The following AAK1 variants were observed in gnomAD, a reference collection of about 807,000 sequenced individuals.
The protein encoded by AAK1 is AP2 associated kinase 1, also known as AP2-associated protein kinase 1.
In AAK1, 37 loss-of-function variants were observed where a neutral mutation model predicts 116.0. That is an observed-to-expected ratio of 0.32 (90% CI 0.25 to 0.42). AAK1 has a LOEUF of 0.42. Among genes scored for constraint, AAK1 ranks in the 10% least tolerant of loss-of-function variants. The pLI is 1.00. For missense variants in AAK1, 919 were observed against 1,170.6 expected (o/e 0.79, Z 3.14); for synonymous variants, 458 against 439.9 (o/e 1.04, Z -0.51).
chr2:69,522,283 T>A (rs1302149505), intron 10 of AAK1, among the ~76,000 whole-genome samples: 1 of 152,188 alleles, frequency 6.6e-6, no homozygotes, highest in African/African-American at 2.4e-5. Context: ...CCTCCATGAA[T>A]GTAAAACAGG....
rs1674579583 is a variant in AAK1, at chr2:69,468,809, G to C, written c.*7060C>G. ...GTATGTGCCCATATTCAGGGTTGGAGAGGATGGAAGAACATGTCTAACCCA... is the reference window on the plus strand; with the variant it reads ...GTATGTGCCCATATTCAGGGTTGGACAGGATGGAAGAACATGTCTAACCCA... On this transcript the variant is annotated 3_prime_UTR_variant, in exon 22 of 22. Coordinates refer to ENST00000409085, the MANE Select transcript of AAK1 (RefSeq NM_014911.5). 1.4e-5 allele frequency: 14 copies of C among 985,274 alleles called. No individual in the cohort carries two copies. Among genetic ancestry groups the C allele is most frequent in the Non-Finnish European group, 1.7e-5 (14 of 829,952 alleles). The allele number at this position is 985,274 out of a possible 1,614,324, so 61.0% of individuals were successfully genotyped here.
At chr2:69,642,662 C>G (rs1675792956) in intron 2 of AAK1, among the ~76,000 whole-genome samples, 1 of 152,138 alleles carries the variant, frequency 6.6e-6, no homozygotes, top group South Asian at 2.1e-4. Context: ...AGGCCACTAA[C>G]GTAAACAATT....
At position 69,465,938 on chromosome 2, in the gene AAK1, G is replaced by A. The variant is rs2104859866; in HGVS notation, c.*9931C>T. 4 of 1,290,876 alleles carry A rather than the reference G, an allele frequency of 3.1e-6. No homozygotes were observed. The highest frequency in any genetic ancestry group is 2.0e-6 in the Non-Finnish European group (2 of 988,872). The allele number at this position is 1,290,876 out of a possible 1,614,324, so 80.0% of individuals were successfully genotyped here. ...CGGTCTGTGCAGGCAGCTCCTGGGA[G>A]GTGCATTGGATAACTGTTAACTCCT... On this transcript the variant is annotated 3_prime_UTR_variant, in exon 22 of 22. Coordinates refer to ENST00000409085, the MANE Select transcript of AAK1 (RefSeq NM_014911.5).
At chr2:69,587,079 T>A in intron 2 of AAK1, among the ~76,000 whole-genome samples, 1 of 150,990 alleles carries the variant, frequency 6.6e-6, no homozygotes, top group East Asian at 1.9e-4. Context: ...TTCTTTTCTT[T>A]AAAAAAAAAC....
intron 5 of AAK1, among the ~76,000 whole-genome samples, chr2:69,539,354 G>A (rs1670607459): frequency 1.3e-5 from 2 of 152,156 alleles, no homozygotes; most frequent in South Asian, 4.1e-4. Flanking sequence ...GTCACACGGT[G>A]GTGCAGAGTC....
At chr2:69,514,785 C>T (rs1384472351) in intron 12 of AAK1, 36 bp from the exon 13 acceptor site, 1 of 1,519,862 alleles carries the variant, frequency 6.6e-7, no homozygotes, top group Admixed American at 2.2e-5. Context: ...AAGGGCCTGT[C>T]CCAGAATAAT....
rs746596605 is a variant in AAK1 at position 69,642,882 on chromosome 2, C to A, written c.159G>T (p.Ala53=). 1 of 1,613,894 alleles carries A rather than the reference C, an allele frequency of 6.2e-7. No homozygotes were observed. The highest frequency in any genetic ancestry group is 1.3e-5 in the African/African-American group (1 of 75,032). Residue 53 remains alanine (A), a synonymous_variant, in exon 2 of 22, where the codon GCG becomes GCT. Transcript: ENST00000409085. ...RQQVTVDEVL[A]EGGFAIVFLV... ...GCGCATTGAGCCCCACCGTACCTTC[C>A]GCCAACACCTCGTCCACTGTGACCT...
At chr2:69,581,574 G>T (rs1672546153) in intron 2 of AAK1, among the ~76,000 whole-genome samples, 1 of 152,220 alleles carries the variant, frequency 6.6e-6, no homozygotes, top group Non-Finnish European at 1.5e-5. Context: ...TTGCTAAATT[G>T]CAGAGCAACG....
chr2:69,617,569 G>C (rs1450914762), intron 2 of AAK1, among the ~76,000 whole-genome samples: 1 of 152,194 alleles, frequency 6.6e-6, no homozygotes, highest in African/African-American at 2.4e-5. Flanking sequence ...GTCCAAGTTG[G>C]GTCAGGGATG....
At position 69,542,623 on chromosome 2, in the gene AAK1, C is replaced by T; in HGVS notation, c.434G>A (p.Gly145Asp). 6.2e-7 allele frequency: 1 copy of T among 1,613,932 alleles called. No individual in the cohort carries two copies. The highest frequency in any genetic ancestry group is 8.5e-7 in the Non-Finnish European group (1 of 1,179,862). Residue 145 changes from glycine (G) to aspartate (D), a missense_variant, in exon 5 of 22, where the codon GGC (glycine) becomes GAC (aspartate). Gly to Asp is a moderately conservative substitution (Grantham distance 94). This residue lies in a region of AAK1 where 317 missense variants were observed against 490.4 expected (regional missense o/e 0.65). Coordinates refer to ENST00000409085, the MANE Select transcript of AAK1 (RefSeq NM_014911.5). ...CTGGAGCACTTCATTCTCTGTAAAG[C>T]CTGTTTGCAGGCGCTGGTTCATCAG... ...VNLMNQRLQT[G>D]FTENEVLQIF...
chr2:69,552,411 T>C (rs887117044), intron 3 of AAK1, among the ~76,000 whole-genome samples: 2 of 152,142 alleles, frequency 1.3e-5, no homozygotes, highest in African/African-American at 4.8e-5. Flanking sequence ...AGACTCATTA[T>C]GCAAAAATTA....
At position 69,467,635 on chromosome 2, in the gene AAK1, C is replaced by A; in HGVS notation, c.*8234G>T. 1.0e-6 allele frequency: 1 copy of A among 985,330 alleles called. No individual in the cohort carries two copies. Among genetic ancestry groups the A allele is most frequent in the Non-Finnish European group, 1.2e-6 (1 of 829,906 alleles). 61.0% of individuals were successfully genotyped at this position (985,330 alleles called of 1,614,324 possible). On this transcript the variant is annotated 3_prime_UTR_variant, in exon 22 of 22. Transcript: ENST00000409085. ...ACAATGATTTGGAGCCATAGATGAC[C>A]CAGAACCTCTGTAGAGATGGAACTC... is the stretch of plus-strand genomic sequence containing the variant.
chr2:69,505,124 C>CGT (rs1558917290), intron 16 of AAK1, among the ~76,000 whole-genome samples: 2 of 108,836 alleles, frequency 1.8e-5, no homozygotes, highest in East Asian at 3.8e-4. Context: ...CGTGCGTGTG[C>CGT]GCACACACAC....
intron 2 of AAK1, among the ~76,000 whole-genome samples, chr2:69,620,477 A>T (rs376027584): frequency 1.3e-5 from 2 of 152,176 alleles, no homozygotes; most frequent in African/African-American, 4.8e-5. Context: ...TCAAAGAAAT[A>T]GTTTAGACTT....
At chr2:69,612,134 T>C (rs1037772056) in intron 2 of AAK1, among the ~76,000 whole-genome samples, 6 of 152,180 alleles carry the variant, frequency 3.9e-5, no homozygotes, top group African/African-American at 1.4e-4. Context: ...ACCCTAGAAC[T>C]TAAAGTATAA....
intron 2 of AAK1, among the ~76,000 whole-genome samples, chr2:69,623,883 G>A (rs78550321): frequency 1.3e-5 from 2 of 151,896 alleles, no homozygotes; most frequent in African/African-American, 2.4e-5. Context: ...AAAAAAACCC[G>A]CAATGTATAT....
At chr2:69,514,875 G>C in intron 12 of AAK1, 126 bp from the exon 13 acceptor site, 1 of 1,088,966 alleles carries the variant, frequency 9.2e-7, no homozygotes, top group Non-Finnish European at 1.3e-6. Context: ...AAAGTCTTGA[G>C]GCTAGGCCTA....
At chr2:69,501,417 A>G (rs551120438) in intron 16 of AAK1, among the ~76,000 whole-genome samples, 6 of 152,310 alleles carry the variant, frequency 3.9e-5, no homozygotes, top group Middle Eastern at 3.4e-3. Context: ...CACACTCATT[A>G]GAAAGCATTC....
At chr2:69,560,994 A>G (rs560182523) in intron 2 of AAK1, among the ~76,000 whole-genome samples, 1 of 152,214 alleles carries the variant, frequency 6.6e-6, no homozygotes. Flanking sequence ...CCATGTGGGA[A>G]TATGGACCTG....
Sources: gnomAD v4.1 joint callset for allele counts (sites outside exome capture counted in the v4.1 genomes callset) on GRCh38, gnomAD v4.1.1 for gene constraint, gnomAD v4.1.1 regional missense constraint, MANE v1.5 for transcripts, NCBI Gene and HGNC (gene_info 2026-07-23, HGNC 2026-07-21) for gene names.